Variants in TMEM9 observed in about 807,000 individuals in gnomAD.
TMEM9 encodes proton-transporting V-type ATPase complex assembly regulator TMEM9.
TMEM9 carries 13 observed loss-of-function variants against 22.8 expected under a neutral mutation model. That is an observed-to-expected ratio of 0.57 (90% CI 0.37 to 0.91). The LOEUF (loss-of-function observed/expected upper bound fraction) is 0.91, where lower values mean the gene tolerates loss of function less well. TMEM9 is among the 40% of genes least tolerant of loss of function. The pLI is 0.01. For synonymous variants in TMEM9, 88 were observed against 93.0 expected (o/e 0.95, Z 0.31); for missense variants, 182 against 238.1 (o/e 0.76, Z 1.55).
At chr1:201,170,562 C>A (rs1009805834) in intron 1 of TMEM9, among the ~76,000 whole-genome samples, 1 of 152,150 alleles carries the variant, frequency 6.6e-6, no homozygotes, top group African/African-American at 2.4e-5. Context: ...GAACACGACT[C>A]CCCTAGGAGA....
intron 4 of TMEM9, among the ~76,000 whole-genome samples, chr1:201,139,557 C>T (rs1018686888): frequency 1.4e-4 from 22 of 152,164 alleles, no homozygotes; most frequent in East Asian, 9.7e-4. Context: ...CATTCAAGGG[C>T]ACTCCCAGCC....
chr1:201,143,482 T>G (rs1450283432), intron 4 of TMEM9, among the ~76,000 whole-genome samples: 1 of 152,126 alleles, frequency 6.6e-6, no homozygotes, highest in Non-Finnish European at 1.5e-5. Context: ...ACCAGCAGCT[T>G]GTCACCAATG....
At chr1:201,156,533 T>TC, upstream of TMEM9, among the ~76,000 whole-genome samples, 1 of 152,056 alleles carries the variant, frequency 6.6e-6, no homozygotes, top group East Asian at 1.9e-4. Flanking sequence ...CACTGGTTAC[T>TC]CCCCCCACCG....
chr1:201,169,254 G>A (rs1048524885), intron 1 of TMEM9, among the ~76,000 whole-genome samples: 8 of 152,204 alleles, frequency 5.3e-5, no homozygotes, highest in Non-Finnish European at 7.3e-5. Context: ...ACACAAATAT[G>A]AGAGGGACAG....
At chr1:201,169,564 G>A (rs1666164527) in intron 1 of TMEM9, among the ~76,000 whole-genome samples, 1 of 152,176 alleles carries the variant, frequency 6.6e-6, no homozygotes, top group Admixed American at 6.5e-5. Context: ...ACAGCTGTAG[G>A]AAATGGAACA....
At chr1:201,145,538 CT>C (rs1558109908) in intron 3 of TMEM9, 1 of 152,352 alleles carries the variant, frequency 6.6e-6, no homozygotes, top group Non-Finnish European at 1.5e-5. Flanking sequence ...CCACCGCCCC[CT>C]AAATGTGCCT....
chr1:201,170,925 C>T (rs1666195769), intron 1 of TMEM9, among the ~76,000 whole-genome samples: 1 of 152,242 alleles, frequency 6.6e-6, no homozygotes, highest in South Asian at 2.1e-4. Context: ...TTGCAGTCCT[C>T]TGTGGGAGGT....
chr1:201,148,709 A>G (rs549625718), intron 2 of TMEM9, among the ~76,000 whole-genome samples: 42 of 152,348 alleles, frequency 2.8e-4, no homozygotes, highest in Non-Finnish European at 5.3e-4. Flanking sequence ...TTGGATTAAG[A>G]ATGGGATGTG....
At chr1:201,156,582 A>C (rs1455021977), upstream of TMEM9, among the ~76,000 whole-genome samples, 1 of 151,942 alleles carries the variant, frequency 6.6e-6, no homozygotes, top group Admixed American at 6.6e-5. Flanking sequence ...GCAGTCCTCC[A>C]TAGGACATTA....
chr1:201,165,644 C>T (rs1189160753), intron 1 of TMEM9, among the ~76,000 whole-genome samples: 4 of 152,046 alleles, frequency 2.6e-5, no homozygotes, highest in African/African-American at 7.2e-5. Flanking sequence ...GCCATGTTGG[C>T]CAGGCTGATC....
chr1:201,142,585 C>T (rs772360987), intron 4 of TMEM9, among the ~76,000 whole-genome samples: 2 of 152,238 alleles, frequency 1.3e-5, no homozygotes, highest in Non-Finnish European at 2.9e-5. Context: ...CTAAATGACT[C>T]TCAGTTTCTT....
At chr1:201,153,769 G>C in intron 1 of TMEM9, 89 bp downstream of exon 1, 1 of 1,589,254 alleles carries the variant, frequency 6.3e-7, no homozygotes, top group Non-Finnish European at 8.6e-7. Flanking sequence ...CAGGCTTAAG[G>C]AGCAGCTGGC....
chr1:201,153,876 G>A lies in TMEM9; in HGVS notation c.48C>T (p.Pro16=), dbSNP rs1381299008. 2 of 1,614,116 alleles carry A rather than the reference G, an allele frequency of 1.2e-6. No homozygotes were observed. Among genetic ancestry groups the A allele is most frequent in the Non-Finnish European group, 1.7e-6 (2 of 1,179,982 alleles). ...LVAVVGCLLV[P]PAEANKSSED... ...CCCTCACCTTGTTGGCTTCAGCTGGGGGCACCAGCAAACACCCGACCACAG... is the reference window on the plus strand; with the variant it reads ...CCCTCACCTTGTTGGCTTCAGCTGGAGGCACCAGCAAACACCCGACCACAG... The change falls in exon 1 of 5, where the codon CCC becomes CCT. Residue 16 remains proline (P), a synonymous_variant. Coordinates refer to ENST00000367330, the MANE Select transcript of TMEM9 (RefSeq NM_001288565.2).
upstream of TMEM9, among the ~76,000 whole-genome samples, chr1:201,159,164 A>G (rs1665879794): frequency 6.6e-6 from 1 of 152,216 alleles, no homozygotes; most frequent in African/African-American, 2.4e-5. Flanking sequence ...TAGAATACAG[A>G]TATGTGTTAA....
chr1:201,158,446 G>C (rs1418647835), upstream of TMEM9, among the ~76,000 whole-genome samples: 1 of 149,662 alleles, frequency 6.7e-6, no homozygotes, highest in Non-Finnish European at 1.5e-5. Flanking sequence ...GGGTGGGGGC[G>C]GGGGCAGGGG....
At chr1:201,138,626 C>T (rs1207004227) in intron 4 of TMEM9, among the ~76,000 whole-genome samples, 1 of 152,186 alleles carries the variant, frequency 6.6e-6, no homozygotes, top group Non-Finnish European at 1.5e-5. Context: ...CCAGGAGGTC[C>T]CCAGGGGGAC....
upstream of TMEM9, among the ~76,000 whole-genome samples, chr1:201,155,222 A>G (rs578054724): frequency 6.6e-6 from 1 of 152,228 alleles, no homozygotes; most frequent in South Asian, 2.1e-4. Flanking sequence ...TTAGCCTGGA[A>G]AAGATACCTC....
At chr1:201,151,969 T>C (rs1404722816) in intron 1 of TMEM9, 117 bp from the exon 2 acceptor site, 2 of 746,264 alleles carry the variant, frequency 2.7e-6, no homozygotes, top group African/African-American at 1.7e-5. Context: ...ACCATATCTA[T>C]GCTCTTGAGC....
At chr1:201,169,929 G>A (rs1026113831) in intron 1 of TMEM9, among the ~76,000 whole-genome samples, 1 of 152,144 alleles carries the variant, frequency 6.6e-6, no homozygotes, top group Non-Finnish European at 1.5e-5. Flanking sequence ...TTGCTTCCCA[G>A]AGAAGCTAGG....
Sources: allele counts gnomAD v4.1 joint callset (sites outside exome capture counted in the v4.1 genomes callset), GRCh38; gene constraint gnomAD v4.1.1; transcripts MANE v1.5; gene names NCBI Gene and HGNC (gene_info 2026-07-23, HGNC 2026-07-21).